The following MTR variants were observed in gnomAD, a reference collection of about 807,000 sequenced individuals.
MTR encodes the protein 5-methyltetrahydrofolate-homocysteine methyltransferase.
In MTR, 84 loss-of-function variants were observed where a neutral mutation model predicts 154.8. The ratio of observed to expected loss-of-function variants is 0.54; its 90% CI spans 0.45 to 0.65. The LOEUF (loss-of-function observed/expected upper bound fraction) is 0.65. Among genes scored for constraint, MTR ranks in the 30% least tolerant of loss-of-function variants. The probability of loss-of-function intolerance (pLI) is 0.00; values close to 1 mark genes in which losing one functional copy is unlikely to be tolerated. For missense variants in MTR, 1,275 were observed against 1,570.2 expected (o/e 0.81, Z 3.18); for synonymous variants, 554 against 553.9 (o/e 1.00, Z 0.00).
intron 15 of MTR, among the ~76,000 whole-genome samples, chr1:236,844,684 A>G (rs1319068602): frequency 6.6e-6 from 1 of 152,176 alleles, no homozygotes; most frequent in Non-Finnish European, 1.5e-5. Context: ...AGTTTGCTCA[A>G]AGTACAAAAG....
intron 8 of MTR, among the ~76,000 whole-genome samples, chr1:236,817,160 C>T (rs1294366706): frequency 6.6e-6 from 1 of 152,092 alleles, no homozygotes; most frequent in East Asian, 1.9e-4. Flanking sequence ...TTTTCATATC[C>T]AAATGTTTTA....
At chr1:236,842,343 A>G (rs1260890629) in intron 15 of MTR, among the ~76,000 whole-genome samples, 2 of 152,128 alleles carry the variant, frequency 1.3e-5, no homozygotes, top group African/African-American at 2.4e-5. Context: ...TGTGAAACTC[A>G]CAGCTGCAGT....
At chr1:236,857,635 A>T (rs187959398) in intron 18 of MTR, among the ~76,000 whole-genome samples, 2 of 152,314 alleles carry the variant, frequency 1.3e-5, no homozygotes, top group East Asian at 3.9e-4. Context: ...CATTCATTTG[A>T]CTGAACTTAG....
In MTR at chr1:236,854,318, A is replaced by G. The variant is rs182548264; in HGVS notation, c.1953+1230A>G. Among the ~76,000 whole-genome samples, 253 of 152,326 alleles carry G rather than the reference A, an allele frequency of 1.7e-3. 2 individuals carry two copies. The highest frequency in any genetic ancestry group is 4.6e-4 in the Non-Finnish European group (31 of 68,032). On this transcript the variant is annotated intron_variant, in intron 18 of 32. Coordinates refer to ENST00000366577, the MANE Select transcript of MTR (RefSeq NM_000254.3). Reference sequence around the variant, plus strand: ...ACCCTCCTCTCAGTTCCTTAAAAACATTTCCAGTTTCTCATGTGGACCCAG... The same window carrying G: ...ACCCTCCTCTCAGTTCCTTAAAAACGTTTCCAGTTTCTCATGTGGACCCAG...
chr1:236,807,479 T>C (rs183102948), intron 3 of MTR, among the ~76,000 whole-genome samples: 7 of 152,288 alleles, frequency 4.6e-5, no homozygotes, highest in Non-Finnish European at 1.0e-4. Flanking sequence ...TGGCCGGCTG[T>C]ACCATTTTAC....
intron 11 of MTR, among the ~76,000 whole-genome samples, chr1:236,827,703 A>G (rs1241454979): frequency 2.0e-5 from 3 of 152,188 alleles, no homozygotes; most frequent in Admixed American, 1.3e-4. Flanking sequence ...CATGTTTTCA[A>G]GTGTGCATAT....
At chr1:236,821,263 A>G (rs1039881800) in intron 8 of MTR, among the ~76,000 whole-genome samples, 4 of 152,274 alleles carry the variant, frequency 2.6e-5, no homozygotes, top group African/African-American at 9.6e-5. Flanking sequence ...CTTTATAACG[A>G]CCCGTTCTTG....
chr1:236,849,293 A>G (rs1663763287), intron 15 of MTR, among the ~76,000 whole-genome samples: 1 of 152,224 alleles, frequency 6.6e-6, no homozygotes, highest in South Asian at 2.1e-4. Flanking sequence ...CAAGACTGGC[A>G]TTCTATCTAG....
In MTR at chr1:236,812,812, A is replaced by G; in HGVS notation, c.577A>G (p.Ile193Val). The change falls in exon 6 of 33, where the codon ATT (isoleucine) becomes GTT (valine). Residue 193 changes from isoleucine to valine, a missense_variant. Ile to Val is a conservative substitution (Grantham distance 29, BLOSUM62 3). Transcript: ENST00000366577. ...GGATGGCGGGGTTGATATCTTACTC[A>G]TTGAAACTATTTTTGATACTGCCAA... ...LLDGGVDILL[I>V]ETIFDTANAK... 1 of 1,614,102 alleles carries G rather than the reference A, an allele frequency of 6.2e-7. No homozygotes were observed. Among genetic ancestry groups the G allele is most frequent in the Non-Finnish European group, 8.5e-7 (1 of 1,179,988 alleles).
rs888217922 is a variant in MTR at position 236,895,231 on chromosome 1, A to G, written c.3406-127A>G. On this transcript the variant is annotated intron_variant, in intron 30 of 32. Coordinates refer to ENST00000366577, the MANE Select transcript of MTR (RefSeq NM_000254.3). ...GAATCCAGCCTGTTTCCTCTTGTCA[A>G]ATTTCCCCTGGCTGTGGTCCAGATG... 2.6e-5 allele frequency: 28 copies of G among 1,061,876 alleles called. No homozygotes were observed. In the African/African-American group the frequency reaches 4.1e-4, roughly 16 times the overall value. The allele number at this position is 1,061,876 out of a possible 1,614,324, so 65.8% of individuals were successfully genotyped here.
intron 24 of MTR, among the ~76,000 whole-genome samples, chr1:236,876,690 A>G (rs563201126): frequency 5.6e-5 from 8 of 143,170 alleles, no homozygotes; most frequent in South Asian, 2.4e-4. Flanking sequence ...ATCATTTACT[A>G]TGTAAAAGCT....
chr1:236,795,711 CCG>C lies in MTR; in HGVS notation c.12_13del (p.Leu5ProfsTer16), dbSNP rs752220849. The C allele has an allele frequency of 1.9e-6, 3 of 1,614,184 alleles. No individual in the cohort carries two copies. The highest frequency in any genetic ancestry group is 2.5e-6 in the Non-Finnish European group (3 of 1,180,040). On this transcript the variant is annotated frameshift_variant, in exon 1 of 33. Transcript: ENST00000366577. LOFTEE classifies it high-confidence loss of function. ...AGGAGGAGACTCGACAACATGTCAC[CCG>C]CGCTCCAAGACCTGTCGCAACCCGG... is the stretch of plus-strand genomic sequence containing the variant.
chr1:236,829,140 T>A, intron 11 of MTR, 49 bp from the exon 12 acceptor site: 1 of 1,385,244 alleles, frequency 7.2e-7, no homozygotes, highest in Non-Finnish European at 1.0e-6. Flanking sequence ...TTTCATTAAA[T>A]ATATTTTATT....
At chr1:236,847,539 T>G (rs1460198736) in intron 15 of MTR, among the ~76,000 whole-genome samples, 1 of 152,206 alleles carries the variant, frequency 6.6e-6, no homozygotes, top group Non-Finnish European at 1.5e-5. Flanking sequence ...AGTAAACCTG[T>G]TTGATAAAGC....
intron 30 of MTR, chr1:236,895,115 C>G (rs1215203452): frequency 5.4e-6 from 3 of 560,090 alleles, no homozygotes; most frequent in Non-Finnish European, 9.6e-6. Flanking sequence ...GGTCTAAAAT[C>G]TTTAGGTCAT....
rs1223043077 is a variant in MTR, at chr1:236,900,424, T to C, written c.*2780T>C. On this transcript the variant is annotated 3_prime_UTR_variant, in exon 33 of 33. Transcript: ENST00000366577. Reference sequence around the variant, plus strand: ...ACTATGCTATTAAAAAAAAAGAAGGTAACTGATAAACCAAAATTGAGCATA... The same window carrying C: ...ACTATGCTATTAAAAAAAAAGAAGGCAACTGATAAACCAAAATTGAGCATA... The C allele has an allele frequency of 6.5e-6, 1 of 154,318 alleles. No homozygotes were observed. Among genetic ancestry groups the C allele is most frequent in the Admixed American group, 6.5e-5 (1 of 15,308 alleles). The allele number at this position is 154,318 out of a possible 1,614,324, so 9.6% of individuals were successfully genotyped here. A position where few individuals can be genotyped will look rare whatever the true frequency, so the allele number is the denominator to read the frequency against.
chr1:236,852,412 G>A (rs1399980598), intron 16 of MTR, 109 bp from the exon 17 acceptor site: 18 of 825,654 alleles, frequency 2.2e-5, no homozygotes, highest in Admixed American at 3.6e-5. Context: ...TTTGAACTTC[G>A]GATGCTTTTT....
Position 236,850,444 on chromosome 1 carries a change from A to G in MTR, c.1616A>G (p.Asn539Ser). ...CCAAATGACATTATTTTTGACCCTAATATCCTAACCATTGGGACTGGAATG... is the reference window on the plus strand; with the variant it reads ...CCAAATGACATTATTTTTGACCCTAGTATCCTAACCATTGGGACTGGAATG... ...FNPNDIIFDP[N>S]ILTIGTGMEE... is the part of the protein sequence containing the mutation. Residue 539 changes from asparagine to serine, a missense_variant, in exon 16 of 33, where the codon AAT becomes AGT. By Grantham distance (46) the Asn-to-Ser change is conservative (BLOSUM62 1). Coordinates refer to ENST00000366577, the MANE Select transcript of MTR (RefSeq NM_000254.3). 1.2e-6 allele frequency: 2 copies of G among 1,613,864 alleles called. No homozygotes were observed. Among genetic ancestry groups the G allele is most frequent in the Non-Finnish European group, 1.7e-6 (2 of 1,179,940 alleles).
rs750828089 is a variant in MTR at position 236,808,783 on chromosome 1, GTTC to G, written c.409+15_409+17del. 1.2e-5 allele frequency: 20 copies of G among 1,613,494 alleles called. No homozygotes were observed. Among genetic ancestry groups the G allele is most frequent in the Non-Finnish European group, 1.5e-5 (18 of 1,179,530 alleles). On this transcript the variant is annotated intron_variant, in intron 4 of 32. Coordinates refer to ENST00000366577, the MANE Select transcript of MTR (RefSeq NM_000254.3). ...GTAACTCTCCAGACAGGTAGGGAAT[GTTC>G]TTCTCTTTTTTTGCACACGTGGTTC...
Sources: allele counts gnomAD v4.1 joint callset (sites outside exome capture counted in the v4.1 genomes callset), GRCh38; gene constraint gnomAD v4.1.1; transcripts MANE v1.5; gene names NCBI Gene and HGNC (gene_info 2026-07-23, HGNC 2026-07-21).